Variants in PALM2AKAP2 observed in about 807,000 individuals in gnomAD.
The protein encoded by PALM2AKAP2 is PALM2 and AKAP2 fusion.
Under a neutral mutation model 71.5 loss-of-function variants are expected in PALM2AKAP2, and 37 were observed. That is an observed-to-expected ratio of 0.52 (90% CI 0.40 to 0.68). The LOEUF is 0.68. Ranked by LOEUF, PALM2AKAP2 falls within the 30% of genes least tolerant of loss-of-function variation. The pLI is 0.00. For missense variants in PALM2AKAP2, 1,224 were observed against 1,191.8 expected (o/e 1.03, Z -0.40); for synonymous variants, 468 against 478.8 (o/e 0.98, Z 0.29).
chr9:110,014,042 T>C (rs75533690), intron 6 of PALM2AKAP2, among the ~76,000 whole-genome samples: 1,560 of 152,298 alleles, frequency 0.01, 26 homozygotes, highest in African/African-American at 0.036. Flanking sequence ...CAAGGGCAGA[T>C]TGAGAAGTTG....
chr9:109,736,051 G>T (rs1327621252), intron 1 of PALM2AKAP2, among the ~76,000 whole-genome samples: 3 of 152,140 alleles, frequency 2.0e-5, no homozygotes, highest in Non-Finnish European at 4.4e-5. Flanking sequence ...TGGGCTTGGG[G>T]CCAAATTCAC....
At chr9:110,120,498 C>T (rs1835459844) in intron 1 of PALM2AKAP2, among the ~76,000 whole-genome samples, 1 of 152,326 alleles carries the variant, frequency 6.6e-6, no homozygotes, top group Admixed American at 6.5e-5. Flanking sequence ...CCTCTTCTCT[C>T]TGAAAGCCTG....
intron 1 of PALM2AKAP2, among the ~76,000 whole-genome samples, chr9:110,094,054 A>T (rs1834777190): frequency 6.6e-6 from 1 of 152,190 alleles, no homozygotes; most frequent in Non-Finnish European, 1.5e-5. Flanking sequence ...AATATCCTTC[A>T]TACAGCACAC....
intron 3 of PALM2AKAP2, among the ~76,000 whole-genome samples, chr9:109,910,346 A>G (rs1034605929): frequency 6.6e-6 from 1 of 152,210 alleles, no homozygotes; most frequent in Admixed American, 6.5e-5. Context: ...CATTCAAAAT[A>G]CAATTGTACA....
At chr9:110,015,477 G>A (rs1832964274) in intron 6 of PALM2AKAP2, among the ~76,000 whole-genome samples, 1 of 152,132 alleles carries the variant, frequency 6.6e-6, no homozygotes, top group Non-Finnish European at 1.5e-5. Context: ...GCGGGTGCCT[G>A]TAATCCCATA....
intron 1 of PALM2AKAP2, among the ~76,000 whole-genome samples, chr9:109,831,058 G>A (rs1291958911): frequency 6.6e-6 from 1 of 151,750 alleles, no homozygotes; most frequent in Non-Finnish European, 1.5e-5. Flanking sequence ...TGTTGAAGTA[G>A]GAGCTGTTCA....
chr9:109,810,429 G>A (rs777310288), intron 1 of PALM2AKAP2, among the ~76,000 whole-genome samples: 1 of 152,132 alleles, frequency 6.6e-6, no homozygotes, highest in Admixed American at 6.5e-5. Flanking sequence ...TCTAGAAAGG[G>A]GCAGTGACCA....
At chr9:110,167,015 C>A (rs1297961098) in intron 3 of PALM2AKAP2, among the ~76,000 whole-genome samples, 6 of 152,156 alleles carry the variant, frequency 3.9e-5, no homozygotes, top group African/African-American at 1.4e-4. Flanking sequence ...GAAGGAAGAT[C>A]AAAGGCACGT....
intron 1 of PALM2AKAP2, among the ~76,000 whole-genome samples, chr9:110,103,742 T>C (rs1370898365): frequency 6.6e-6 from 1 of 152,226 alleles, no homozygotes; most frequent in Non-Finnish European, 1.5e-5. Flanking sequence ...GTGGCACACA[T>C]ACATTGCCCT....
At chr9:110,022,229 T>G (rs1833085483) in intron 7 of PALM2AKAP2, among the ~76,000 whole-genome samples, 1 of 152,222 alleles carries the variant, frequency 6.6e-6, no homozygotes, top group African/African-American at 2.4e-5. Context: ...ATACTGTAGC[T>G]TTCTTTTTAA....
exon 2 of PALM2AKAP2, chr9:110,136,228 T>C (rs1835861821): frequency 6.2e-7 from 1 of 1,614,156 alleles, no homozygotes; most frequent in Non-Finnish European, 8.5e-7. Context: ...TTTCCCCAGA[T>C]CACAAAAACA....
intron 1 of PALM2AKAP2, among the ~76,000 whole-genome samples, chr9:110,127,158 C>T (rs1191857265): frequency 6.6e-6 from 1 of 152,180 alleles, no homozygotes; most frequent in African/African-American, 2.4e-5. Flanking sequence ...GAACAGGACT[C>T]CTGGCCTCCA....
At chr9:109,931,931 A>G in exon 6 of PALM2AKAP2, 2 of 1,613,954 alleles carry the variant, frequency 1.2e-6, no homozygotes, top group Non-Finnish European at 1.7e-6. Flanking sequence ...TACCAGATGC[A>G]GTAAATTACA....
rs1453558894 is a variant in PALM2AKAP2 at position 109,780,546 on chromosome 9, T to C, written c.45+13T>C. On this transcript the variant is annotated intron_variant, in intron 1 of 9. Coordinates refer to the PALM2AKAP2 transcript ENST00000302798. The stretch of plus-strand genomic sequence containing the variant: ...GCAAGCCATAGCAGTAAGTCCACTT[T>C]CATTTTATTTTCTTGCTCTATTGTC... 4 of 1,613,398 alleles carry C rather than the reference T, an allele frequency of 2.5e-6. No homozygotes were observed. In the African/African-American group the frequency reaches 4.0e-5, roughly 16 times the overall value.
chr9:109,725,672 G>T (rs967301665), intron 1 of PALM2AKAP2, among the ~76,000 whole-genome samples: 1 of 152,146 alleles, frequency 6.6e-6, no homozygotes, highest in South Asian at 2.1e-4. Flanking sequence ...TGTCATAGAG[G>T]TGTGCATATT....
At chr9:110,016,742 A>G (rs1832986477) in intron 7 of PALM2AKAP2, among the ~76,000 whole-genome samples, 1 of 152,204 alleles carries the variant, frequency 6.6e-6, no homozygotes, top group South Asian at 2.1e-4. Context: ...CTGCTAACAT[A>G]TTAGTTAACA....
At chr9:109,824,551 G>C (rs1039667542) in intron 1 of PALM2AKAP2, among the ~76,000 whole-genome samples, 1 of 152,192 alleles carries the variant, frequency 6.6e-6, no homozygotes, top group Admixed American at 6.5e-5. Context: ...CCCTGTGTGA[G>C]GCCCTAATGA....
chr9:110,101,018 C>G (rs561189668), intron 1 of PALM2AKAP2, among the ~76,000 whole-genome samples: 12 of 152,184 alleles, frequency 7.9e-5, no homozygotes, highest in Non-Finnish European at 1.3e-4. Flanking sequence ...TTCTGGAAAT[C>G]TAGAATAGGA....
intron 2 of PALM2AKAP2, among the ~76,000 whole-genome samples, chr9:109,869,586 C>T (rs1316742117): frequency 6.6e-6 from 1 of 151,926 alleles, no homozygotes; most frequent in Non-Finnish European, 1.5e-5. Flanking sequence ...GATCCACCCG[C>T]CTTGGCCTCC....
Sources: gnomAD v4.1 joint callset for allele counts (sites outside exome capture counted in the v4.1 genomes callset) on GRCh38, gnomAD v4.1.1 for gene constraint, MANE v1.5 for transcripts, NCBI Gene and HGNC (gene_info 2026-07-23, HGNC 2026-07-21) for gene names.